The following ESRRG variants were observed in gnomAD, a reference collection of about 807,000 sequenced individuals.
ESRRG encodes the protein estrogen-related receptor gamma.
Under a neutral mutation model 44.0 loss-of-function variants are expected in ESRRG, and 13 were observed. The observed-to-expected ratio is 0.30, with a 90% CI of 0.19 to 0.47. The LOEUF is 0.47. Ranked by LOEUF, ESRRG falls within the 20% of genes least tolerant of loss-of-function variation. The probability of loss-of-function intolerance (pLI) is 1.00; values close to 1 mark genes in which losing one functional copy is unlikely to be tolerated. For synonymous variants in ESRRG, 215 were observed against 214.6 expected (o/e 1.00, Z -0.02); for missense variants, 395 against 580.6 (o/e 0.68, Z 3.29).
chr1:217,049,977 T>C (rs2085607854), intron 1 of ESRRG, among the ~76,000 whole-genome samples: 1 of 152,202 alleles, frequency 6.6e-6, no homozygotes, highest in Admixed American at 6.5e-5. Flanking sequence ...AGTACATCTA[T>C]GAACAAGAGC....
chr1:216,825,624 T>C (rs1015943751), intron 2 of ESRRG, among the ~76,000 whole-genome samples: 1 of 152,092 alleles, frequency 6.6e-6, no homozygotes, highest in Non-Finnish European at 1.5e-5. Flanking sequence ...AGTTAATAAA[T>C]GCACAAGACA....
chr1:216,669,902 A>AG (rs1005442698), intron 2 of ESRRG, among the ~76,000 whole-genome samples: 37 of 151,648 alleles, frequency 2.4e-4, no homozygotes, highest in Non-Finnish European at 4.4e-4. Context: ...AAGAAAAAAA[A>AG]AAGTTAAAGC....
intron 2 of ESRRG, among the ~76,000 whole-genome samples, chr1:216,732,416 GC>G (rs1354312660): frequency 6.7e-6 from 1 of 148,246 alleles, no homozygotes; most frequent in Non-Finnish European, 1.5e-5. Context: ...TTACTGTGTC[GC>G]CCAGGCTGGT....
At chr1:216,905,183 A>G (rs763510678) in intron 2 of ESRRG, among the ~76,000 whole-genome samples, 3 of 152,170 alleles carry the variant, frequency 2.0e-5, no homozygotes, top group Non-Finnish European at 2.9e-5. Flanking sequence ...CCCATCACAC[A>G]CAGAATGCAT....
intron 2 of ESRRG, among the ~76,000 whole-genome samples, chr1:216,663,656 G>T (rs2073132163): frequency 6.6e-6 from 1 of 151,556 alleles, no homozygotes; most frequent in African/African-American, 2.4e-5. Flanking sequence ...AAAAAAAAGA[G>T]ACCAAGAGCA....
chr1:216,586,062 A>AAT (rs10701239), intron 3 of ESRRG, among the ~76,000 whole-genome samples: 126,112 of 151,932 alleles, frequency 0.83, 52,661 homozygotes, highest in African/African-American at 0.87. Context: ...TTAATTAATA[A>AAT]AGTTATTTTT....
intron 1 of ESRRG, among the ~76,000 whole-genome samples, chr1:217,067,596 T>A (rs1393587832): frequency 6.6e-6 from 1 of 152,206 alleles, no homozygotes; most frequent in Non-Finnish European, 1.5e-5. Context: ...GAATAAACTA[T>A]CTACCTGGAA....
intron 2 of ESRRG, among the ~76,000 whole-genome samples, chr1:216,831,093 A>C (rs2095480260): frequency 1.3e-5 from 2 of 151,998 alleles, no homozygotes. Context: ...ATTGGGATGC[A>C]GCTCCTGTTC....
intron 1 of ESRRG, among the ~76,000 whole-genome samples, chr1:217,067,399 C>T (rs1042239725): frequency 8.8e-6 from 1 of 113,478 alleles, no homozygotes; most frequent in Non-Finnish European, 2.0e-5. Context: ...AGCATGTATC[C>T]TTCAACTGAA....
intron 1 of ESRRG, among the ~76,000 whole-genome samples, chr1:216,967,442 T>C (rs1421487821): frequency 6.6e-6 from 1 of 152,186 alleles, no homozygotes; most frequent in African/African-American, 2.4e-5. Flanking sequence ...ACTGTCTCCA[T>C]AGGACCCTGC....
At chr1:217,021,911 G>C (rs965173324) in intron 1 of ESRRG, among the ~76,000 whole-genome samples, 2 of 152,084 alleles carry the variant, frequency 1.3e-5, no homozygotes, top group African/African-American at 4.8e-5. Context: ...TGTGACTATG[G>C]GCTCGCTTTC....
At chr1:217,021,020 ACCCCCC>A (rs903664361) in intron 1 of ESRRG, among the ~76,000 whole-genome samples, 1 of 146,414 alleles carries the variant, frequency 6.8e-6, no homozygotes, top group South Asian at 2.2e-4. Context: ...TACTAGGAGA[ACCCCCC>A]CATCCCCCAA....
intron 6 of ESRRG, among the ~76,000 whole-genome samples, chr1:216,514,193 T>C (rs2043519152): frequency 6.6e-6 from 1 of 152,152 alleles, no homozygotes; most frequent in African/African-American, 2.4e-5. Flanking sequence ...CTGTAATATG[T>C]TTAAAATTTA....
At chr1:216,693,288 T>G (rs946742167) in intron 1 of ESRRG, among the ~76,000 whole-genome samples, 1 of 152,166 alleles carries the variant, frequency 6.6e-6, no homozygotes, top group Non-Finnish European at 1.5e-5. Flanking sequence ...TTAAAAAAAT[T>G]TTTTATGTGT....
intron 3 of ESRRG, among the ~76,000 whole-genome samples, chr1:216,569,852 C>T (rs534470373): frequency 1.6e-4 from 25 of 152,234 alleles, no homozygotes; most frequent in Admixed American, 5.2e-4. Flanking sequence ...TAATATGCGA[C>T]GGGCTCTGTA....
At chr1:216,647,465 AT>A (rs1348106328) in intron 3 of ESRRG, among the ~76,000 whole-genome samples, 21 of 144,124 alleles carry the variant, frequency 1.5e-4, no homozygotes, top group African/African-American at 5.5e-4. Context: ...AAGACAACAC[AT>A]TTTCCTTTTC....
chr1:216,844,395 A>G (rs2095704977), intron 2 of ESRRG, among the ~76,000 whole-genome samples: 1 of 151,724 alleles, frequency 6.6e-6, no homozygotes, highest in Non-Finnish European at 1.5e-5. Context: ...ACTGCGTCAA[A>G]CCTCCCCGAA....
chr1:217,058,817 C>T (rs114469505), intron 1 of ESRRG, among the ~76,000 whole-genome samples: 8,166 of 150,586 alleles, frequency 0.054, 241 homozygotes, highest in South Asian at 0.07. Flanking sequence ...AAATAAAACT[C>T]GGTAAATTTG....
intron 1 of ESRRG, among the ~76,000 whole-genome samples, chr1:217,028,932 C>A (rs1323042292): frequency 6.6e-6 from 1 of 152,138 alleles, no homozygotes; most frequent in African/African-American, 2.4e-5. Context: ...AAGCATTGCA[C>A]CAAAAGCTAT....
Sources: allele counts gnomAD v4.1 joint callset (sites outside exome capture counted in the v4.1 genomes callset), GRCh38; gene constraint gnomAD v4.1.1; transcripts MANE v1.5; gene names NCBI Gene and HGNC (gene_info 2026-07-23, HGNC 2026-07-21).